SCFD2: variants seen among roughly 807,000 people sequenced by gnomAD.
SCFD2 encodes the protein sec1 family domain containing 2.
A neutral mutation model predicts 58.9 loss-of-function variants in SCFD2; 54 were observed. That is an observed-to-expected ratio of 0.92 (90% CI 0.74 to 1.15). The LOEUF (loss-of-function observed/expected upper bound fraction) is 1.15. Among genes scored for constraint, SCFD2 ranks in the 50% most tolerant of loss-of-function variants. SCFD2 has a pLI of 0.00. For missense variants in SCFD2, 805 were observed against 836.6 expected, an observed-to-expected ratio of 0.96 and a Z score of 0.47; for synonymous variants, 321 against 335.9, an observed-to-expected ratio of 0.96 and a Z score of 0.49.
At chr4:53,120,873 T>C (rs936289358) in intron 5 of SCFD2, among the ~76,000 whole-genome samples, 3 of 152,206 alleles carry the variant, frequency 2.0e-5, no homozygotes, top group Non-Finnish European at 2.9e-5. Context: ...TCATCCAAAC[T>C]CTTTGTGTAC....
intron 4 of SCFD2, among the ~76,000 whole-genome samples, chr4:53,165,969 T>C (rs1341242814): frequency 6.6e-6 from 1 of 152,232 alleles, no homozygotes; most frequent in East Asian, 1.9e-4. Flanking sequence ...TTAAGTGTAC[T>C]TTCTGTCTGT....
At chr4:53,113,636 G>A (rs1314645105) in intron 5 of SCFD2, among the ~76,000 whole-genome samples, 2 of 151,964 alleles carry the variant, frequency 1.3e-5, no homozygotes, top group Admixed American at 1.3e-4. Flanking sequence ...AGGTATATGT[G>A]AGTCATTTGT....
chr4:52,938,503 A>T (rs1228732175), intron 5 of SCFD2, among the ~76,000 whole-genome samples: 1 of 152,176 alleles, frequency 6.6e-6, no homozygotes, highest in African/African-American at 2.4e-5. Flanking sequence ...CAAACCTACG[A>T]GTTACTTAGA....
At chr4:53,033,613 G>A (rs1341121739) in intron 5 of SCFD2, among the ~76,000 whole-genome samples, 7 of 151,946 alleles carry the variant, frequency 4.6e-5, no homozygotes, top group Non-Finnish European at 1.0e-4. Flanking sequence ...TCAAATAGAT[G>A]CAATAAAAAA....
intron 5 of SCFD2, among the ~76,000 whole-genome samples, chr4:52,983,286 C>T (rs111395045): frequency 3.9e-5 from 6 of 152,134 alleles, no homozygotes; most frequent in African/African-American, 7.2e-5. Context: ...ATTTTAAGGA[C>T]GGATACAACT....
At chr4:53,174,572 T>C (rs1427375592) in intron 4 of SCFD2, among the ~76,000 whole-genome samples, 1 of 152,206 alleles carries the variant, frequency 6.6e-6, no homozygotes, top group African/African-American at 2.4e-5. Context: ...ATTTAGCTCC[T>C]ATTATAGTGC....
At chr4:52,912,108 T>C (rs930482793) in intron 6 of SCFD2, among the ~76,000 whole-genome samples, 4 of 152,114 alleles carry the variant, frequency 2.6e-5, no homozygotes, top group African/African-American at 7.2e-5. Context: ...GCTATAATAG[T>C]AACAGAAGCT....
intron 5 of SCFD2, chr4:52,957,896 ACCT>A (rs1192659248): frequency 3.3e-5 from 5 of 152,222 alleles, no homozygotes; most frequent in Admixed American, 3.3e-4. Context: ...TAAGTTAACC[ACCT>A]CAAGCGGGAC....
At chr4:53,201,190 A>G (rs1407319511) in intron 4 of SCFD2, among the ~76,000 whole-genome samples, 1 of 150,302 alleles carries the variant, frequency 6.7e-6, no homozygotes, top group Non-Finnish European at 1.5e-5. Flanking sequence ...CCACCCCACA[A>G]CAGGCCCCAG....
At chr4:52,949,573 G>A (rs985302549) in intron 5 of SCFD2, 5 of 152,166 alleles carry the variant, frequency 3.3e-5, no homozygotes, top group African/African-American at 4.8e-5. Flanking sequence ...GGGTTCCCAC[G>A]GACAGGAGAG....
intron 5 of SCFD2, among the ~76,000 whole-genome samples, chr4:53,035,273 T>C (rs190748433): frequency 5.4e-4 from 82 of 152,324 alleles, no homozygotes; most frequent in Middle Eastern, 3.4e-3. Flanking sequence ...GCCAGCCATA[T>C]GCAGAAAACT....
chr4:53,113,378 C>T (rs565258135), intron 5 of SCFD2, among the ~76,000 whole-genome samples: 1 of 152,216 alleles, frequency 6.6e-6, no homozygotes, highest in African/African-American at 2.4e-5. Context: ...TTAGTGGCAG[C>T]TCTGTTTGCC....
In SCFD2 at chr4:53,333,328, C is replaced by T. The variant is rs577677298; in HGVS notation, c.1007+19270G>A. Among the ~76,000 whole-genome samples, 1,184 of 146,402 alleles carry T rather than the reference C, an allele frequency of 8.1e-3. 13 individuals carry two copies. The highest frequency in any genetic ancestry group is 0.029 in the African/African-American group (1,126 of 39,042). On this transcript the variant is annotated intron_variant, in intron 2 of 8. Coordinates refer to ENST00000401642, the MANE Select transcript of SCFD2 (RefSeq NM_152540.4). ...GCCAAAAGAACAAAGCTGGAGGCAT[C>T]ACGCTACCTGACTTCAAACTATACT...
At chr4:53,119,523 A>G (rs2148890880) in intron 5 of SCFD2, among the ~76,000 whole-genome samples, 1 of 152,252 alleles carries the variant, frequency 6.6e-6, no homozygotes, top group South Asian at 2.1e-4. Flanking sequence ...TGCCCAAAGT[A>G]AGTAAGGGAG....
chr4:52,998,279 G>A (rs1721788679), intron 5 of SCFD2, among the ~76,000 whole-genome samples: 1 of 152,234 alleles, frequency 6.6e-6, no homozygotes, highest in African/African-American at 2.4e-5. Context: ...CAAGGCTGAA[G>A]TGTGAGGTCA....
intron 5 of SCFD2, among the ~76,000 whole-genome samples, chr4:53,055,444 G>A (rs1305549828): frequency 6.6e-6 from 1 of 152,076 alleles, no homozygotes; most frequent in Non-Finnish European, 1.5e-5. Context: ...GCTACCCTTG[G>A]GAAATGATGC....
At chr4:53,228,127 G>C (rs1729285259) in intron 4 of SCFD2, among the ~76,000 whole-genome samples, 1 of 152,140 alleles carries the variant, frequency 6.6e-6, no homozygotes, top group South Asian at 2.1e-4. Flanking sequence ...GTTTGAATAA[G>C]ACAATGCATA....
chr4:53,056,463 A>G (rs1723343059), intron 5 of SCFD2, among the ~76,000 whole-genome samples: 1 of 152,184 alleles, frequency 6.6e-6, no homozygotes, highest in South Asian at 2.1e-4. Flanking sequence ...GGAAGTAAGG[A>G]AAGAGTAGAT....
intron 4 of SCFD2, among the ~76,000 whole-genome samples, chr4:53,186,688 G>T (rs576943934): frequency 3.0e-4 from 46 of 152,072 alleles, no homozygotes; most frequent in African/African-American, 9.9e-4. Flanking sequence ...AAATACAGGT[G>T]AATGGTTACA....
Sources: gnomAD v4.1 joint callset for allele counts (sites outside exome capture counted in the v4.1 genomes callset) on GRCh38, gnomAD v4.1.1 for gene constraint, MANE v1.5 for transcripts, NCBI Gene and HGNC (gene_info 2026-07-23, HGNC 2026-07-21) for gene names.